Variants in ASB15 observed in about 807,000 individuals in gnomAD.
The protein encoded by ASB15 is ankyrin repeat and SOCS box protein 15.
In ASB15, 54 loss-of-function variants were observed where a neutral mutation model predicts 58.0. That is an observed-to-expected ratio of 0.93 (90% CI 0.75 to 1.17). ASB15 has a LOEUF of 1.17. ASB15 is among the 50% of genes most tolerant of loss of function. The pLI, the probability that ASB15 is intolerant of heterozygous loss-of-function variation, is 0.00. For missense variants in ASB15, 680 were observed against 707.4 expected (o/e 0.96, Z 0.44); for synonymous variants, 249 against 262.4 (o/e 0.95, Z 0.50).
intron 1 of ASB15, among the ~76,000 whole-genome samples, chr7:123,586,650 T>C (rs931581482): frequency 2.0e-5 from 3 of 151,706 alleles, no homozygotes; most frequent in Admixed American, 6.6e-5. Flanking sequence ...CAAGTACACC[T>C]CCCCCAGCCA....
intron 1 of ASB15, among the ~76,000 whole-genome samples, chr7:123,576,480 G>A (rs1240470323): frequency 6.6e-6 from 1 of 151,902 alleles, no homozygotes; most frequent in East Asian, 1.9e-4. Context: ...CTTTATATTT[G>A]TGCCATAGGA....
chr7:123,639,475 C>T lies in ASB15; in HGVS notation c.*2494C>T, dbSNP rs1006914271. 1 of 152,116 alleles carries T rather than the reference C, an allele frequency of 6.6e-6. No individual in the cohort carries two copies. The highest frequency in any genetic ancestry group is 2.4e-5 in the African/African-American group (1 of 41,416). The allele number at this position is 152,116 out of a possible 1,614,324, so 9.4% of individuals were successfully genotyped here. A position where few individuals can be genotyped will look rare whatever the true frequency, so the allele number is the denominator to read the frequency against. On this transcript the variant is annotated 3_prime_UTR_variant, in exon 12 of 12. Transcript: ENST00000451215. ...ATACTTCATATATTAAACTTTTGCT[C>T]ACTAAAGCTGTGACATTTTCTTTGA... is the stretch of plus-strand genomic sequence containing the variant.
At chr7:123,620,560 T>A (rs1442376300) in intron 7 of ASB15, among the ~76,000 whole-genome samples, 124 of 27,644 alleles carry the variant, frequency 4.5e-3, no homozygotes, top group Non-Finnish European at 6.2e-3. Context: ...ATATATTTTT[T>A]TTTTTTTTTT....
chr7:123,609,752 C>T (rs1041013635), intron 3 of ASB15, among the ~76,000 whole-genome samples: 6 of 152,212 alleles, frequency 3.9e-5, no homozygotes, highest in Non-Finnish European at 8.8e-5. Flanking sequence ...TCAAAGGAAG[C>T]TCTGACAGGT....
chr7:123,612,066 C>T (rs897262069), intron 3 of ASB15, among the ~76,000 whole-genome samples: 1 of 152,054 alleles, frequency 6.6e-6, no homozygotes, highest in Non-Finnish European at 1.5e-5. Flanking sequence ...AAATTTCAAA[C>T]AGGGTTAGAT....
intron 1 of ASB15, among the ~76,000 whole-genome samples, chr7:123,577,929 C>T (rs569159511): frequency 4.6e-5 from 7 of 151,906 alleles, no homozygotes; most frequent in Middle Eastern, 3.4e-3. Context: ...TTCCGGGATA[C>T]GTGTGCAGAA....
At chr7:123,575,373 T>C (rs577586098) in intron 1 of ASB15, among the ~76,000 whole-genome samples, 12 of 152,238 alleles carry the variant, frequency 7.9e-5, no homozygotes, top group African/African-American at 2.9e-4. Flanking sequence ...TTCATACCTC[T>C]ATTATTTTGG....
intron 3 of ASB15, among the ~76,000 whole-genome samples, chr7:123,613,602 T>C (rs1800598510): frequency 6.6e-6 from 1 of 152,156 alleles, no homozygotes; most frequent in South Asian, 2.1e-4. Context: ...CAGTGGCTTG[T>C]AATAGAACTG....
At chr7:123,634,283 T>C (rs1019311429) in intron 11 of ASB15, among the ~76,000 whole-genome samples, 3 of 152,086 alleles carry the variant, frequency 2.0e-5, no homozygotes, top group Non-Finnish European at 4.4e-5. Flanking sequence ...CTCCCACTTA[T>C]AAGTGAGAAC....
intron 11 of ASB15, among the ~76,000 whole-genome samples, chr7:123,636,418 T>G (rs996433909): frequency 6.6e-6 from 1 of 152,220 alleles, no homozygotes; most frequent in Non-Finnish European, 1.5e-5. Context: ...TAGTTATTTA[T>G]CAGACAGATT....
chr7:123,593,123 G>A (rs1382239210), intron 1 of ASB15, among the ~76,000 whole-genome samples: 1 of 151,610 alleles, frequency 6.6e-6, no homozygotes, highest in Non-Finnish European at 1.5e-5. Context: ...CCATTTGTTT[G>A]GTAGATCTTA....
At chr7:123,625,423 T>C (rs1425747046) in intron 8 of ASB15, among the ~76,000 whole-genome samples, 4 of 152,148 alleles carry the variant, frequency 2.6e-5, no homozygotes, top group Non-Finnish European at 5.9e-5. Context: ...GTGTCAACTA[T>C]CCAAAAAACA....
upstream of ASB15, among the ~76,000 whole-genome samples, chr7:123,597,885 TTAATG>T (rs1799746477): frequency 6.6e-6 from 1 of 151,702 alleles, no homozygotes; most frequent in South Asian, 2.1e-4. Context: ...TGATGATCCA[TTAATG>T]TAAAACCATT....
intron 1 of ASB15, among the ~76,000 whole-genome samples, chr7:123,594,381 G>A (rs184738504): frequency 6.6e-5 from 10 of 152,200 alleles, no homozygotes; most frequent in African/African-American, 2.4e-4. Flanking sequence ...GGAATTTTCA[G>A]CCTTTCTGCT....
chr7:123,583,718 T>C (rs1441609764), intron 1 of ASB15, among the ~76,000 whole-genome samples: 1 of 151,966 alleles, frequency 6.6e-6, no homozygotes, highest in Non-Finnish European at 1.5e-5. Flanking sequence ...ATGGGTCTTC[T>C]GATCCTTAAG....
intron 1 of ASB15, among the ~76,000 whole-genome samples, chr7:123,602,545 C>G (rs775525565): frequency 6.6e-6 from 1 of 152,068 alleles, no homozygotes; most frequent in African/African-American, 2.4e-5. Context: ...TTGACTTCCA[C>G]GAAGTAAAGC....
chr7:123,622,423 A>T (rs965570708), intron 7 of ASB15, among the ~76,000 whole-genome samples: 1 of 152,126 alleles, frequency 6.6e-6, no homozygotes, highest in Non-Finnish European at 1.5e-5. Context: ...GAATGTCTTC[A>T]TGAGTTAGCT....
chr7:123,636,228 T>A (rs1295817992), intron 11 of ASB15, among the ~76,000 whole-genome samples: 1 of 152,166 alleles, frequency 6.6e-6, no homozygotes, highest in African/African-American at 2.4e-5. Context: ...ATATTGCTGC[T>A]ATAAAATCTC....
At chr7:123,614,767 G>C (rs1800690826) in intron 4 of ASB15, among the ~76,000 whole-genome samples, 158 bp downstream of exon 4, 1 of 152,156 alleles carries the variant, frequency 6.6e-6, no homozygotes, top group Non-Finnish European at 1.5e-5. Context: ...CTGTTCATAA[G>C]TTTTAGCAAT....
Sources: allele counts gnomAD v4.1 joint callset (sites outside exome capture counted in the v4.1 genomes callset), GRCh38; gene constraint gnomAD v4.1.1; transcripts MANE v1.5; gene names NCBI Gene and HGNC (gene_info 2026-07-23, HGNC 2026-07-21).